The following CSMD2 variants were observed in gnomAD, a reference collection of about 807,000 sequenced individuals.
The protein encoded by CSMD2 is CUB and Sushi multiple domains 2.
CSMD2 carries 130 observed loss-of-function variants against 398.5 expected under a neutral mutation model. The observed-to-expected ratio is 0.33, with a 90% CI of 0.28 to 0.38. The LOEUF (loss-of-function observed/expected upper bound fraction) is 0.38, where lower values mean the gene tolerates loss of function less well. Among genes scored for constraint, CSMD2 ranks in the 10% least tolerant of loss-of-function variants. The probability of loss-of-function intolerance (pLI) is 1.00; values close to 1 mark genes in which losing one functional copy is unlikely to be tolerated. For missense variants in CSMD2, 3,829 were observed against 4,764.9 expected (o/e 0.80, Z 5.78); for synonymous variants, 1,828 against 1,908.5 (o/e 0.96, Z 1.10).
At chr1:34,070,713 C>G (rs1327511507) in intron 2 of CSMD2, among the ~76,000 whole-genome samples, 2 of 151,540 alleles carry the variant, frequency 1.3e-5, no homozygotes, top group Non-Finnish European at 2.9e-5. Flanking sequence ...CCTTGCAGAC[C>G]AAGGCAGGTT....
chr1:34,124,004 G>C (rs1327774785), intron 1 of CSMD2, among the ~76,000 whole-genome samples: 1 of 152,180 alleles, frequency 6.6e-6, no homozygotes, highest in East Asian at 1.9e-4. Flanking sequence ...ACCCAGGCAG[G>C]CTTGGATTCT....
rs868854430 is a variant in CSMD2, at chr1:33,600,680, C to A, written c.6856+185G>T. The A allele has an allele frequency of 4.7e-6, 3 of 637,118 alleles. No homozygotes were observed. The Middle Eastern group carries it at 1.3e-3, about 270-fold the overall frequency. The allele number at this position is 637,118 out of a possible 1,614,324, so 39.5% of individuals were successfully genotyped here. On this transcript the variant is annotated intron_variant, in intron 44 of 70. Coordinates refer to ENST00000373381, the MANE Select transcript of CSMD2 (RefSeq NM_001281956.2). ...GGAGGAAAACTTGCATTTACAGAACCCTGCACTGAGAGCTCTCACATAGGC... is the reference window on the plus strand; with the variant it reads ...GGAGGAAAACTTGCATTTACAGAACACTGCACTGAGAGCTCTCACATAGGC...
At chr1:33,557,625 C>G (rs1570726171) in intron 55 of CSMD2, 109 bp downstream of exon 55, 1 of 407,114 alleles carries the variant, frequency 2.5e-6, no homozygotes, top group Non-Finnish European at 3.9e-6. Flanking sequence ...CAGACACACA[C>G]ACACACACAC....
intron 5 of CSMD2, among the ~76,000 whole-genome samples, chr1:33,890,358 G>A (rs1475430980): frequency 6.6e-6 from 1 of 150,724 alleles, no homozygotes; most frequent in African/African-American, 2.4e-5. Flanking sequence ...AGCCTCCCAA[G>A]TAGCTGGGAG....
chr1:34,018,066 T>G (rs1648374828), intron 3 of CSMD2, among the ~76,000 whole-genome samples: 2 of 152,200 alleles, frequency 1.3e-5, no homozygotes, highest in South Asian at 4.1e-4. Context: ...TCTCACTGCC[T>G]GCCCACGTCA....
chr1:33,927,697 T>A (rs570824768), intron 4 of CSMD2, among the ~76,000 whole-genome samples: 3 of 152,074 alleles, frequency 2.0e-5, no homozygotes, highest in Non-Finnish European at 4.4e-5. Context: ...GTTCCTGACA[T>A]GGGCTAGGAG....
chr1:33,976,944 G>C (rs78216152), intron 3 of CSMD2, among the ~76,000 whole-genome samples: 2,070 of 152,110 alleles, frequency 0.014, 84 homozygotes, highest in East Asian at 0.13. Context: ...TTCCAGAAAA[G>C]AAGTGGCAGT....
At chr1:34,131,590 G>C (rs1360662509) in intron 1 of CSMD2, among the ~76,000 whole-genome samples, 2 of 152,126 alleles carry the variant, frequency 1.3e-5, no homozygotes, top group Non-Finnish European at 2.9e-5. Context: ...AGGAACTGCA[G>C]GAAGTGGAGA....
intron 1 of CSMD2, among the ~76,000 whole-genome samples, chr1:34,114,473 G>A (rs1025203898): frequency 1.3e-5 from 2 of 152,150 alleles, no homozygotes; most frequent in Non-Finnish European, 2.9e-5. Flanking sequence ...CGAAGCAGAA[G>A]GATAATTTGA....
chr1:33,703,323 A>G (rs934628597), intron 22 of CSMD2, among the ~76,000 whole-genome samples: 5 of 152,366 alleles, frequency 3.3e-5, no homozygotes, highest in African/African-American at 1.2e-4. Flanking sequence ...TCCAATCCAT[A>G]TACATGGTGT....
chr1:33,848,796 C>T (rs1165341064), intron 5 of CSMD2, among the ~76,000 whole-genome samples: 2 of 141,248 alleles, frequency 1.4e-5, no homozygotes, highest in Non-Finnish European at 1.5e-5. Flanking sequence ...TAAGGAGCCA[C>T]AAACGTATTG....
chr1:33,572,551 C>G lies in CSMD2; in HGVS notation c.7717G>C (p.Asp2573His), dbSNP rs1024527326. 7 of 1,613,976 alleles carry G rather than the reference C, an allele frequency of 4.3e-6. No homozygotes were observed. The highest frequency in any genetic ancestry group is 5.9e-6 in the Non-Finnish European group (7 of 1,179,976). The change falls in exon 50 of 71, where the codon GAC (aspartate) becomes CAC (histidine). Residue 2573 changes from aspartate (D) to histidine (H), a missense_variant. Physicochemically the swap from Asp to His is moderately conservative, Grantham distance 81 (BLOSUM62 -1). This residue lies in a region of CSMD2 where 723 missense variants were observed against 758.6 expected (regional missense o/e 0.95). Coordinates refer to ENST00000373381, the MANE Select transcript of CSMD2 (RefSeq NM_001281956.2). ...AGAEATAECLDTGLWSNRNVP... is the reference protein window; with the variant it reads ...AGAEATAECLHTGLWSNRNVP... ...TTGCGGTTGCTCCATAGGCCTGTGT[C>G]CAGACACTCTGCAGTGGCCTCAGCG... is the stretch of plus-strand genomic sequence containing the variant.
intron 12 of CSMD2, among the ~76,000 whole-genome samples, chr1:33,775,718 G>T (rs184137623): frequency 1.3e-5 from 2 of 152,182 alleles, no homozygotes; most frequent in African/African-American, 2.4e-5. Context: ...TGGCTATATG[G>T]GTCTTAAGTT....
rs575430604 is a variant in CSMD2 at position 33,606,707 on chromosome 1, C to T, written c.6344-1237G>A. On this transcript the variant is annotated intron_variant, in intron 41 of 70. Transcript: ENST00000373381. ...CAGGGTAGCCACGTGGACTCAGAGA[C>T]GGGGAGAGAAGGAAGGGAGTGGCTG... Among the ~76,000 whole-genome samples the T allele has an allele frequency of 1.8e-4, 27 of 152,110 alleles. 1 individual carries two copies. Among genetic ancestry groups the T allele is most frequent in the Admixed American group, 1.1e-3 (17 of 15,280 alleles).
At chr1:33,901,126 AG>A (rs1642729337) in intron 5 of CSMD2, among the ~76,000 whole-genome samples, 1 of 152,264 alleles carries the variant, frequency 6.6e-6, no homozygotes, top group Non-Finnish European at 1.5e-5. Flanking sequence ...TTGGGGGTGA[AG>A]ACCCAATGGG....
chr1:33,710,317 G>A (rs1645941751), intron 21 of CSMD2, among the ~76,000 whole-genome samples: 1 of 152,120 alleles, frequency 6.6e-6, no homozygotes, highest in East Asian at 1.9e-4. Flanking sequence ...TAAACTGTCA[G>A]TAACTTGAGG....
intron 2 of CSMD2, among the ~76,000 whole-genome samples, chr1:34,045,920 A>T (rs1410101181): frequency 2.6e-5 from 4 of 152,228 alleles, no homozygotes; most frequent in South Asian, 2.1e-4. Flanking sequence ...TGAAAAAAAT[A>T]AGTAATTTTG....
intron 27 of CSMD2, among the ~76,000 whole-genome samples, chr1:33,654,418 C>T (rs539764657): frequency 2.9e-4 from 44 of 152,266 alleles, no homozygotes; most frequent in Non-Finnish European, 5.3e-4. Context: ...TCCATACAGT[C>T]GGTAGCAGTA....
In CSMD2 at chr1:33,630,508, T is replaced by C. The variant is rs545284150; in HGVS notation, c.5200+2914A>G. 2.6e-5 allele frequency among the ~76,000 whole-genome samples: 4 copies of C among 152,376 alleles called. No homozygotes were observed. In the South Asian group the frequency reaches 8.3e-4, roughly 32 times the overall value. The stretch of plus-strand genomic sequence containing the variant: ...AACTGAAGCTCAGAGAGGTCAAGTA[T>C]TGTGCCTTAAGTCACCTAGAAAACA... On this transcript the variant is annotated intron_variant, in intron 32 of 70. Transcript: ENST00000373381.
Sources: gnomAD v4.1 joint callset for allele counts (sites outside exome capture counted in the v4.1 genomes callset) on GRCh38, gnomAD v4.1.1 for gene constraint, gnomAD v4.1.1 regional missense constraint, MANE v1.5 for transcripts, NCBI Gene and HGNC (gene_info 2026-07-23, HGNC 2026-07-21) for gene names.